The following PARVA variants were observed in gnomAD, a reference collection of about 807,000 sequenced individuals.
PARVA encodes alpha-parvin.
PARVA carries 25 observed loss-of-function variants against 52.6 expected under a neutral mutation model. That is an observed-to-expected ratio of 0.48 (90% CI 0.35 to 0.66). The LOEUF (loss-of-function observed/expected upper bound fraction) is 0.66, where lower values mean the gene tolerates loss of function less well. Among genes scored for constraint, PARVA ranks in the 30% least tolerant of loss-of-function variants. The probability of loss-of-function intolerance (pLI) is 0.01; values close to 1 mark genes in which losing one functional copy is unlikely to be tolerated. For missense variants in PARVA, 373 were observed against 450.9 expected, an observed-to-expected ratio of 0.83 and a Z score of 1.56; for synonymous variants, 185 against 179.1, an observed-to-expected ratio of 1.03 and a Z score of -0.26.
intron 12 of PARVA, 126 bp from the exon 13 acceptor site, chr11:12,527,723 A>G: frequency 1.3e-6 from 1 of 755,296 alleles, no homozygotes; most frequent in Non-Finnish European, 2.4e-6. Context: ...TGCCCACTCT[A>G]CCCATCTGCC....
At chr11:12,403,255 G>C (rs1172147074) in intron 1 of PARVA, among the ~76,000 whole-genome samples, 1 of 152,254 alleles carries the variant, frequency 6.6e-6, no homozygotes, top group Non-Finnish European at 1.5e-5. Context: ...GGAGGAGGGG[G>C]AGAAGGAATC....
At chr11:12,473,861 G>A (rs377188915) in intron 2 of PARVA, 27 bp downstream of exon 2, 9 of 1,563,090 alleles carry the variant, frequency 5.8e-6, no homozygotes, top group South Asian at 3.5e-5. Flanking sequence ...CTCTGAATTC[G>A]CTTAAGCTTT....
chr11:12,524,420 T>C (rs1441444570), intron 12 of PARVA, among the ~76,000 whole-genome samples: 2 of 152,164 alleles, frequency 1.3e-5, no homozygotes, highest in East Asian at 1.9e-4. Flanking sequence ...TTCTCCCATA[T>C]TGGACATTTT....
chr11:12,492,180 T>A (rs1475485754), intron 4 of PARVA, among the ~76,000 whole-genome samples: 1 of 152,218 alleles, frequency 6.6e-6, no homozygotes, highest in Non-Finnish European at 1.5e-5. Flanking sequence ...TTCTGCCTTG[T>A]CTTTATGCGT....
intron 1 of PARVA, among the ~76,000 whole-genome samples, chr11:12,449,288 G>C (rs1589961629): frequency 2.0e-5 from 3 of 152,220 alleles, no homozygotes; most frequent in African/African-American, 7.2e-5. Context: ...CTCCACGGTA[G>C]CTGGGATTAC....
At chr11:12,414,057 T>C (rs1272585683) in intron 1 of PARVA, among the ~76,000 whole-genome samples, 1 of 152,192 alleles carries the variant, frequency 6.6e-6, no homozygotes, top group African/African-American at 2.4e-5. Flanking sequence ...ACGGCAGCCG[T>C]GCGTGGCACA....
At chr11:12,456,286 C>T (rs1940693307) in intron 1 of PARVA, among the ~76,000 whole-genome samples, 1 of 152,190 alleles carries the variant, frequency 6.6e-6, no homozygotes, top group South Asian at 2.1e-4. Flanking sequence ...GTCATCTACG[C>T]TTCATTATAA....
chr11:12,462,623 G>A (rs1940799419), intron 1 of PARVA, among the ~76,000 whole-genome samples: 1 of 152,204 alleles, frequency 6.6e-6, no homozygotes, highest in South Asian at 2.1e-4. Flanking sequence ...CAAAGTTTGT[G>A]ATTTGCTACT....
At chr11:12,383,439 T>C (rs1362066192) in intron 1 of PARVA, among the ~76,000 whole-genome samples, 2 of 152,216 alleles carry the variant, frequency 1.3e-5, no homozygotes, top group Non-Finnish European at 2.9e-5. Context: ...CCCCAGAGTT[T>C]TACATTTTGA....
chr11:12,474,362 A>C (rs1185344811), intron 3 of PARVA, among the ~76,000 whole-genome samples: 4 of 152,040 alleles, frequency 2.6e-5, no homozygotes, highest in Admixed American at 2.0e-4. Context: ...GAAAAGCCAG[A>C]TGCTTTGTTT....
At chr11:12,424,132 G>A (rs1212575570) in intron 1 of PARVA, among the ~76,000 whole-genome samples, 3 of 151,728 alleles carry the variant, frequency 2.0e-5, no homozygotes, top group Admixed American at 1.3e-4. Flanking sequence ...CATTATAATT[G>A]TATTATTTTT....
chr11:12,514,229 T>G lies in PARVA; in HGVS notation c.867+164T>G, dbSNP rs1941540529. On this transcript the variant is annotated intron_variant, in intron 10 of 12. Transcript: ENST00000334956. The stretch of plus-strand genomic sequence containing the variant: ...GTGGACTGAGTCTCTGTGGATTTTT[T>G]CCAACTTTTTATTATGAAAATTACA... 2.0e-5 allele frequency among the ~76,000 whole-genome samples: 3 copies of G among 152,210 alleles called. No individual in the cohort carries two copies. In the South Asian group the frequency reaches 6.2e-4, roughly 32 times the overall value.
At position 12,533,237 on chromosome 11, in the gene PARVA, C is replaced by T. The variant is rs544524675; in HGVS notation, c.*5312C>T. The stretch of plus-strand genomic sequence containing the variant: ...GTGTGGAGGGAATGAAATAAGGGGC[C>T]TACCAGGCCAGAACGCTGATCCATG... On this transcript the variant is annotated 3_prime_UTR_variant, in exon 13 of 13. Transcript: ENST00000334956. Among the ~76,000 whole-genome samples, 1 of 152,182 alleles carries T rather than the reference C, an allele frequency of 6.6e-6. No homozygotes were observed. The highest frequency in any genetic ancestry group is 1.9e-4 in the East Asian group (1 of 5,188).
rs34667589 is a variant in PARVA, at chr11:12,423,182, A to ATT, written c.136+45416_136+45417dup. Among the ~76,000 whole-genome samples the ATT allele has an allele frequency of 8.9e-3, 1,177 of 132,890 alleles. 23 individuals carry two copies. Among genetic ancestry groups the ATT allele is most frequent in the African/African-American group, 0.028 (983 of 35,444 alleles). The allele number at this position is 132,890 out of a possible 152,430, so 87.2% of individuals were successfully genotyped here. A position where few individuals can be genotyped will look rare whatever the true frequency, so the allele number is the denominator to read the frequency against. ...TGTTTTGTTACTTTTCATTAAGGAG[A>ATT]TTTTTTTTTTTTTTTTTTGAGACGG... On this transcript the variant is annotated intron_variant, in intron 1 of 12. Transcript: ENST00000334956.
intron 1 of PARVA, among the ~76,000 whole-genome samples, chr11:12,398,757 A>T (rs1939785250): frequency 6.6e-6 from 1 of 152,056 alleles, no homozygotes; most frequent in Non-Finnish European, 1.5e-5. Context: ...TTGGCATGGA[A>T]CCAGGCTCAT....
intron 1 of PARVA, among the ~76,000 whole-genome samples, chr11:12,438,398 G>C (rs918434246): frequency 1.3e-5 from 2 of 152,080 alleles, no homozygotes; most frequent in Admixed American, 6.5e-5. Flanking sequence ...GAGCAAGCAA[G>C]CACACCAGAG....
chr11:12,399,032 C>T (rs1037821206), intron 1 of PARVA, among the ~76,000 whole-genome samples: 10 of 152,160 alleles, frequency 6.6e-5, no homozygotes, highest in Non-Finnish European at 1.3e-4. Context: ...TAAACTGAGG[C>T]ACAGAGAGGT....
At chr11:12,395,686 TCTC>T (rs1939732819) in intron 1 of PARVA, among the ~76,000 whole-genome samples, 1 of 152,162 alleles carries the variant, frequency 6.6e-6, no homozygotes, top group Non-Finnish European at 1.5e-5. Flanking sequence ...ACTGGCTAGT[TCTC>T]CTGAGTCCCA....
chr11:12,443,804 G>C (rs753950822), intron 1 of PARVA, among the ~76,000 whole-genome samples: 1 of 152,040 alleles, frequency 6.6e-6, no homozygotes, highest in African/African-American at 2.4e-5. Flanking sequence ...GCTGATTCCT[G>C]CTCTGAAGAC....
Sources: allele counts gnomAD v4.1 joint callset (sites outside exome capture counted in the v4.1 genomes callset), GRCh38; gene constraint gnomAD v4.1.1; transcripts MANE v1.5; gene names NCBI Gene and HGNC (gene_info 2026-07-23, HGNC 2026-07-21).